The following GALNT12 variants were observed in gnomAD, a reference collection of about 807,000 sequenced individuals.
GALNT12 encodes the protein UDP-GalNAc:polypeptide N-acetylgalactosaminyltransferase 12.
A neutral mutation model predicts 55.5 loss-of-function variants in GALNT12; 45 were observed. The ratio of observed to expected loss-of-function variants is 0.81; its 90% CI spans 0.64 to 1.04. The LOEUF (loss-of-function observed/expected upper bound fraction) is 1.04. Among genes scored for constraint, GALNT12 ranks in the 50% least tolerant of loss-of-function variants. The pLI is 0.00. For synonymous variants in GALNT12, 304 were observed against 312.2 expected (o/e 0.97, Z 0.28); for missense variants, 709 against 754.8 (o/e 0.94, Z 0.71).
chr9:98,836,858 A>G, intron 5 of GALNT12, 114 bp from the exon 6 acceptor site: 1 of 1,116,676 alleles, frequency 9.0e-7, no homozygotes. Context: ...GAGGCTGAGC[A>G]TCTTGGCAGT....
Position 98,849,167 on chromosome 9 carries a change from A to C in GALNT12, c.*75A>C. 2 of 1,532,904 alleles carry C rather than the reference A, an allele frequency of 1.3e-6. No individual in the cohort carries two copies. Among genetic ancestry groups the C allele is most frequent in the Non-Finnish European group, 1.8e-6 (2 of 1,108,534 alleles). The allele number at this position is 1,532,904 out of a possible 1,614,324, so 95.0% of individuals were successfully genotyped here. A position where few individuals can be genotyped will look rare whatever the true frequency, so the allele number is the denominator to read the frequency against. On this transcript the variant is annotated 3_prime_UTR_variant, in exon 10 of 10. Coordinates refer to ENST00000375011, the MANE Select transcript of GALNT12 (RefSeq NM_024642.5). ...CTGCCCAACAAAGACTTAGCTAAGC[A>C]GTGACCAGAACCCACCAAAAACTAG...
In GALNT12 at chr9:98,849,032, C is replaced by A; in HGVS notation, c.1686C>A (p.Leu562=). ...AGTCGAGTGACAGTTTCGTTCCACT[C>A]TTACGAGACTGCACCAACTCGGATC... ...RKESSDSFVP[L]LRDCTNSDHQ... is the part of the protein sequence containing the mutation. The change falls in exon 10 of 10, where the codon CTC becomes CTA. Residue 562 remains leucine (L), a synonymous_variant. Transcript: ENST00000375011. 6.2e-7 allele frequency: 1 copy of A among 1,614,156 alleles called. No homozygotes were observed. The highest frequency in any genetic ancestry group is 8.5e-7 in the Non-Finnish European group (1 of 1,179,950).
chr9:98,849,330 G>GT lies in GALNT12; in HGVS notation c.*239dup, dbSNP rs1836497093. 1.3e-5 allele frequency: 8 copies of GT among 600,986 alleles called. No homozygotes were observed. The East Asian group carries it at 2.2e-4, about 16-fold the overall frequency. 37.2% of individuals were successfully genotyped at this position (600,986 alleles called of 1,614,324 possible). A position where few individuals can be genotyped will look rare whatever the true frequency, so the allele number is the denominator to read the frequency against. On this transcript the variant is annotated 3_prime_UTR_variant, in exon 10 of 10. Transcript: ENST00000375011. ...AATACCCTATTTTCAAAGGGTAATC[G>GT]TAAGATGTTAACCCTTGGTATTTAG...
Position 98,837,051 on chromosome 9 carries a change from C to A in GALNT12, c.1115C>A (p.Ser372Tyr). 6.2e-7 allele frequency: 1 copy of A among 1,614,198 alleles called. No homozygotes were observed. Among genetic ancestry groups the A allele is most frequent in the Non-Finnish European group, 8.5e-7 (1 of 1,180,030 alleles). ...GHVFPKQAPY[S>Y]RNKALANSVR... ...GTTTTCCCCAAGCAAGCTCCCTACT[C>A]CCGCAACAAGGCTCTGGCCAACAGT... The change falls in exon 6 of 10, where the codon TCC (serine) becomes TAC (tyrosine). Residue 372 changes from serine (S) to tyrosine (Y), a missense_variant. Around this residue, in one of 5 missense-constraint regions of GALNT12, gnomAD observed 262 missense variants for 310.7 expected, o/e 0.84. Coordinates refer to ENST00000375011, the MANE Select transcript of GALNT12 (RefSeq NM_024642.5).
rs2118523586 is a variant in GALNT12, at chr9:98,849,043, G to A, written c.1697G>A (p.Cys566Tyr). 6.2e-7 allele frequency: 1 copy of A among 1,614,196 alleles called. No homozygotes were observed. The highest frequency in any genetic ancestry group is 1.1e-5 in the South Asian group (1 of 91,084). The change falls in exon 10 of 10, where the codon TGC becomes TAC. Residue 566 changes from cysteine (C) to tyrosine (Y), a missense_variant. By Grantham distance (194) the Cys-to-Tyr change is radical. Coordinates refer to ENST00000375011, the MANE Select transcript of GALNT12 (RefSeq NM_024642.5). ...SDSFVPLLRDCTNSDHQKWFF... is the reference protein window; with the variant it reads ...SDSFVPLLRDYTNSDHQKWFF... ...AGTTTCGTTCCACTCTTACGAGACT[G>A]CACCAACTCGGATCATCAGAAATGG...
chr9:98,837,520 T>G (rs896227065), intron 6 of GALNT12, among the ~76,000 whole-genome samples: 8 of 152,218 alleles, frequency 5.3e-5, no homozygotes, highest in African/African-American at 1.9e-4. Context: ...TATCGTTGCA[T>G]CATTAACATT....
chr9:98,839,700 C>G (rs981595688), intron 6 of GALNT12, among the ~76,000 whole-genome samples: 2 of 152,196 alleles, frequency 1.3e-5, no homozygotes, highest in African/African-American at 4.8e-5. Context: ...AGTGCAGCCC[C>G]AGGGCTTGGC....
intron 2 of GALNT12, among the ~76,000 whole-genome samples, chr9:98,825,007 T>A (rs942870052): frequency 1.3e-5 from 2 of 152,066 alleles, no homozygotes; most frequent in South Asian, 4.2e-4. Context: ...CCCTAACCAG[T>A]TTCAAACTTG....
Position 98,844,214 on chromosome 9 carries a change from G to C in GALNT12, c.1458+5G>C. On this transcript the variant is annotated splice_donor_5th_base_variant and intron_variant, in intron 8 of 9. Transcript: ENST00000375011. Reference sequence around the variant, plus strand: ...CATGGGATGGGCCAGAATCAGGTAGGTATGAGCCTCAAAAGAGGAGAAAGC... The same window carrying C: ...CATGGGATGGGCCAGAATCAGGTAGCTATGAGCCTCAAAAGAGGAGAAAGC... The C allele has an allele frequency of 6.5e-7, 1 of 1,539,800 alleles. No homozygotes were observed. Among genetic ancestry groups the C allele is most frequent in the Non-Finnish European group, 9.0e-7 (1 of 1,112,040 alleles).
chr9:98,837,227 C>T (rs750451891), intron 6 of GALNT12, 79 bp downstream of exon 6: 101 of 1,347,658 alleles, frequency 7.5e-5, no homozygotes, highest in Non-Finnish European at 8.0e-5. Context: ...CCAACATAGT[C>T]GATCTGGTTC....
At chr9:98,825,905 G>A (rs1041796364) in intron 2 of GALNT12, among the ~76,000 whole-genome samples, 6 of 151,880 alleles carry the variant, frequency 4.0e-5, no homozygotes, top group Admixed American at 3.3e-4. Flanking sequence ...AGCCCAAGAA[G>A]TTGAGGCTGC....
intron 1 of GALNT12, among the ~76,000 whole-genome samples, chr9:98,815,564 A>G (rs1404047493): frequency 6.6e-6 from 1 of 152,240 alleles, no homozygotes; most frequent in African/African-American, 2.4e-5. Flanking sequence ...AGAAACAGAA[A>G]CTATACCAGG....
chr9:98,823,755 G>C (rs1195539677), intron 2 of GALNT12, among the ~76,000 whole-genome samples: 1 of 152,224 alleles, frequency 6.6e-6, no homozygotes, highest in Non-Finnish European at 1.5e-5. Context: ...GTGCAAGCTT[G>C]ATGGGGAGCT....
chr9:98,834,336 GTC>G (rs919541942), intron 4 of GALNT12, among the ~76,000 whole-genome samples: 12 of 152,092 alleles, frequency 7.9e-5, no homozygotes, highest in African/African-American at 2.9e-4. Context: ...AACCAGGCTG[GTC>G]TTGAACTCCT....
At chr9:98,819,531 A>G (rs1395926811) in intron 1 of GALNT12, among the ~76,000 whole-genome samples, 3 of 152,156 alleles carry the variant, frequency 2.0e-5, no homozygotes, top group Non-Finnish European at 4.4e-5. Flanking sequence ...GCCAGCCCCT[A>G]TCAGAGATTC....
intron 3 of GALNT12, among the ~76,000 whole-genome samples, chr9:98,828,912 C>T (rs997616876): frequency 6.6e-6 from 1 of 152,128 alleles, no homozygotes; most frequent in Non-Finnish European, 1.5e-5. Flanking sequence ...TCACTGCAAC[C>T]TCCGCCTCCC....
chr9:98,840,317 C>T lies in GALNT12; in HGVS notation c.1344+184C>T, dbSNP rs183521876. On this transcript the variant is annotated intron_variant, in intron 7 of 9. Coordinates refer to ENST00000375011, the MANE Select transcript of GALNT12 (RefSeq NM_024642.5). ...TCTTTCTCCCTGTGAGCGTCTGGGC[C>T]GTAGGTGCAGAATGTCAGAGCTGGA... Among the ~76,000 whole-genome samples the T allele has an allele frequency of 6.2e-4, 94 of 150,984 alleles. 1 individual carries two copies. Among genetic ancestry groups the T allele is most frequent in the Middle Eastern group, 6.8e-3 (2 of 294 alleles).
intron 2 of GALNT12, among the ~76,000 whole-genome samples, chr9:98,824,829 C>T (rs1196488518): frequency 6.6e-6 from 1 of 152,164 alleles, no homozygotes; most frequent in Non-Finnish European, 1.5e-5. Flanking sequence ...TAGGACAGAA[C>T]CTCATGTAGC....
intron 3 of GALNT12, among the ~76,000 whole-genome samples, chr9:98,827,780 A>G (rs1000363008): frequency 6.6e-6 from 1 of 152,224 alleles, no homozygotes; most frequent in Non-Finnish European, 1.5e-5. Flanking sequence ...TTATACCAGT[A>G]TAGTCATAAA....
Sources: gnomAD v4.1 joint callset for allele counts (sites outside exome capture counted in the v4.1 genomes callset) on GRCh38, gnomAD v4.1.1 for gene constraint, gnomAD v4.1.1 regional missense constraint, MANE v1.5 for transcripts, NCBI Gene and HGNC (gene_info 2026-07-23, HGNC 2026-07-21) for gene names.